Variants in ELP1 observed in about 807,000 individuals in gnomAD.
ELP1 encodes elongator acetyltransferase complex subunit 1.
In ELP1, 131 loss-of-function variants were observed where a neutral mutation model predicts 183.2. That is an observed-to-expected ratio of 0.72 (90% CI 0.62 to 0.83). The LOEUF is 0.83. Ranked by LOEUF, ELP1 falls within the 40% of genes least tolerant of loss-of-function variation. ELP1 has a pLI of 0.00. For synonymous variants in ELP1, 555 were observed against 569.0 expected, an observed-to-expected ratio of 0.98 and a Z score of 0.35; for missense variants, 1,550 against 1,594.9, an observed-to-expected ratio of 0.97 and a Z score of 0.48.
intron 32 of ELP1, 34 bp downstream of exon 32, chr9:108,880,018 C>T (rs1342308680): frequency 9.0e-6 from 12 of 1,328,500 alleles, no homozygotes; most frequent in Non-Finnish European, 1.2e-5. Flanking sequence ...CCCCACTGCC[C>T]CCGCACGTCG....
At chr9:108,922,311 C>G (rs973068775) in intron 6 of ELP1, among the ~76,000 whole-genome samples, 3 of 152,228 alleles carry the variant, frequency 2.0e-5, no homozygotes, top group African/African-American at 7.2e-5. Flanking sequence ...CCACACACCT[C>G]TGCCTTCAGG....
chr9:108,882,040 G>T, intron 30 of ELP1, 85 bp downstream of exon 30: 2 of 1,108,066 alleles, frequency 1.8e-6, no homozygotes, highest in Non-Finnish European at 2.8e-6. Context: ...AACCTCAGAA[G>T]ACAAGAGATT....
rs368761085 is a variant in ELP1 at position 108,878,142 on chromosome 9, T to G, written c.3708A>C (p.Val1236=). 17 of 1,606,552 alleles carry G rather than the reference T, an allele frequency of 1.1e-5. No homozygotes were observed. Among genetic ancestry groups the G allele is most frequent in the Non-Finnish European group, 1.4e-5 (17 of 1,173,024 alleles). The change falls in exon 35 of 37, where the codon GTA becomes GTC. Residue 1236 remains valine, a synonymous_variant. Coordinates refer to ENST00000374647, the MANE Select transcript of ELP1 (RefSeq NM_003640.5). ...GAAAGAGTACCTTTAAAATATGGTA[T>G]ACTTCATCTAGAGAGAAGAAATTTG... The part of the protein sequence containing the change: ...VQNTENLKDE[V]YHILKVLFLF...
rs1829995051 is a variant in ELP1 at position 108,931,204 on chromosome 9, A to G, written c.-55-3T>C. 1.2e-5 allele frequency: 18 copies of G among 1,504,804 alleles called. No homozygotes were observed. The highest frequency in any genetic ancestry group is 1.6e-5 in the Non-Finnish European group (17 of 1,080,958). 93.2% of individuals were successfully genotyped at this position (1,504,804 alleles called of 1,614,324 possible). A position where few individuals can be genotyped will look rare whatever the true frequency, so the allele number is the denominator to read the frequency against. ...ATCCCTTGATGAATCATTAATCTCT[A>G]AGAGAAAAATAAATAGCTTAATAGT... On this transcript the variant is annotated splice_polypyrimidine_tract_variant and splice_region_variant and intron_variant, in intron 1 of 36. Coordinates refer to ENST00000374647, the MANE Select transcript of ELP1 (RefSeq NM_003640.5).
intron 29 of ELP1, among the ~76,000 whole-genome samples, chr9:108,882,621 G>T (rs747108845): frequency 1.3e-5 from 2 of 149,138 alleles, no homozygotes; most frequent in Non-Finnish European, 3.0e-5. Flanking sequence ...CTCAGACAGG[G>T]TCTCACTCTG....
At chr9:108,929,073 T>C (rs183008014) in intron 3 of ELP1, among the ~76,000 whole-genome samples, 101 of 152,378 alleles carry the variant, frequency 6.6e-4, no homozygotes, top group South Asian at 1.4e-3. Context: ...AGGCACATGA[T>C]AGTTAATAAA....
chr9:108,873,579 G>A (rs1199113201), intron 36 of ELP1, among the ~76,000 whole-genome samples: 1 of 152,188 alleles, frequency 6.6e-6, no homozygotes, highest in Non-Finnish European at 1.5e-5. Flanking sequence ...AGAATACCCT[G>A]GGGAATGATG....
At chr9:108,929,599 C>T (rs1187587957) in intron 3 of ELP1, among the ~76,000 whole-genome samples, 170 bp downstream of exon 3, 1 of 152,188 alleles carries the variant, frequency 6.6e-6, no homozygotes, top group African/African-American at 2.4e-5. Context: ...AGAATCTTAA[C>T]ATATAGATAA....
At chr9:108,879,382 T>C in intron 33 of ELP1, 64 bp downstream of exon 33, 4 of 1,236,130 alleles carry the variant, frequency 3.2e-6, no homozygotes, top group Non-Finnish European at 4.8e-6. Flanking sequence ...AACCAATCTA[T>C]TTGCTTCCAC....
intron 1 of ELP1, among the ~76,000 whole-genome samples, chr9:108,932,986 G>C (rs1233169186): frequency 6.6e-6 from 1 of 152,014 alleles, no homozygotes; most frequent in African/African-American, 2.4e-5. Flanking sequence ...TCCACCTCTT[G>C]GCTAGACATC....
At position 108,897,398 on chromosome 9, in the gene ELP1, A is replaced by C. The variant is rs1465166371; in HGVS notation, c.2364-113T>G. On this transcript the variant is annotated intron_variant, in intron 22 of 36. Transcript: ENST00000374647. ...GATAAATAAAAATGACTTTTGGAAA[A>C]GAGTTGAATTATAAAAATATTGAGA... is the stretch of plus-strand genomic sequence containing the variant. 3 of 1,076,784 alleles carry C rather than the reference A, an allele frequency of 2.8e-6. No individual in the cohort carries two copies. The African/African-American group carries it at 4.7e-5, about 17-fold the overall frequency. 66.7% of individuals were successfully genotyped at this position (1,076,784 alleles called of 1,614,324 possible).
chr9:108,925,553 C>A (rs998739055), intron 5 of ELP1, among the ~76,000 whole-genome samples: 1 of 152,176 alleles, frequency 6.6e-6, no homozygotes, highest in African/African-American at 2.4e-5. Flanking sequence ...ACTCCCCACC[C>A]TTATCCCTCA....
chr9:108,869,599 A>G (rs1827361388), intron 36 of ELP1, among the ~76,000 whole-genome samples: 1 of 152,230 alleles, frequency 6.6e-6, no homozygotes, highest in African/African-American at 2.4e-5. Flanking sequence ...ATATTCAGTA[A>G]GTGAAGTTAA....
rs544072449 is a variant in ELP1, at chr9:108,888,503, T to G, written c.3222+829A>C. ...TTACAAAGAAAAAAAGATAATGACA[T>G]CTTATCCATTTAATTAACCCTCGAT... On this transcript the variant is annotated intron_variant, in intron 29 of 36. Coordinates refer to ENST00000374647, the MANE Select transcript of ELP1 (RefSeq NM_003640.5). Among the ~76,000 whole-genome samples, 3 of 152,328 alleles carry G rather than the reference T, an allele frequency of 2.0e-5. No individual in the cohort carries two copies. In the South Asian group the frequency reaches 6.2e-4, roughly 32 times the overall value.
intron 36 of ELP1, among the ~76,000 whole-genome samples, chr9:108,872,860 CTCTA>C (rs1827542004): frequency 7.1e-6 from 1 of 140,492 alleles, no homozygotes; most frequent in Non-Finnish European, 1.5e-5. Flanking sequence ...AAATAATGTG[CTCTA>C]TCTCATTTTT....
chr9:108,893,859 T>A, intron 26 of ELP1, 84 bp downstream of exon 26: 1 of 1,414,818 alleles, frequency 7.1e-7, no homozygotes, highest in Non-Finnish European at 1.0e-6. Context: ...TCAGTCACTG[T>A]CTAAACTAAC....
chr9:108,916,159 C>T (rs761525246), intron 10 of ELP1, 45 bp downstream of exon 10: 1 of 1,442,408 alleles, frequency 6.9e-7, no homozygotes, highest in East Asian at 2.3e-5. Context: ...CTACTTTCAA[C>T]TACGTTTTAT....
chr9:108,871,309 C>T (rs1827449155), intron 36 of ELP1, among the ~76,000 whole-genome samples: 1 of 152,100 alleles, frequency 6.6e-6, no homozygotes, highest in South Asian at 2.1e-4. Flanking sequence ...GCAAGTAGAT[C>T]ACTTCAATGT....
intron 29 of ELP1, 72 bp downstream of exon 29, chr9:108,889,260 T>C: frequency 1.5e-6 from 2 of 1,335,948 alleles, no homozygotes; most frequent in African/African-American, 1.4e-5. Context: ...TTAACTTTCA[T>C]GATCACTAAG....
Sources: allele counts gnomAD v4.1 joint callset (sites outside exome capture counted in the v4.1 genomes callset), GRCh38; gene constraint gnomAD v4.1.1; transcripts MANE v1.5; gene names NCBI Gene and HGNC (gene_info 2026-07-23, HGNC 2026-07-21).